The following SCP2 variants were observed in gnomAD, a reference collection of about 807,000 sequenced individuals.
SCP2 encodes sterol carrier protein 2.
In SCP2, 48 loss-of-function variants were observed where a neutral mutation model predicts 71.4. That is an observed-to-expected ratio of 0.67 (90% CI 0.53 to 0.86). The LOEUF (loss-of-function observed/expected upper bound fraction) is 0.86. Ranked by LOEUF, SCP2 falls within the 40% of genes least tolerant of loss-of-function variation. SCP2 has a pLI of 0.00. For missense variants in SCP2, 560 were observed against 655.6 expected, an observed-to-expected ratio of 0.85 and a Z score of 1.59; for synonymous variants, 220 against 218.1, an observed-to-expected ratio of 1.01 and a Z score of -0.08.
At chr1:53,004,285 A>G (rs911805169) in intron 11 of SCP2, among the ~76,000 whole-genome samples, 1 of 152,238 alleles carries the variant, frequency 6.6e-6, no homozygotes, top group Non-Finnish European at 1.5e-5. Context: ...ACTGAGGGTA[A>G]CTGAAACTGT....
intron 6 of SCP2, among the ~76,000 whole-genome samples, chr1:52,969,896 GTTCA>G (rs561834274): frequency 1.7e-4 from 26 of 152,168 alleles, no homozygotes; most frequent in South Asian, 1.2e-3. Context: ...TATTTTCACT[GTTCA>G]TTCATGTCAT....
At chr1:53,008,325 A>G (rs1160170982) in intron 11 of SCP2, among the ~76,000 whole-genome samples, 1 of 152,220 alleles carries the variant, frequency 6.6e-6, no homozygotes, top group Non-Finnish European at 1.5e-5. Context: ...AGACATAACA[A>G]AAAAAGAGAA....
chr1:53,051,143 A>G lies in SCP2; in HGVS notation c.*439A>G, dbSNP rs576567342. On this transcript the variant is annotated 3_prime_UTR_variant, in exon 16 of 16. Transcript: ENST00000371514. Reference sequence around the variant, plus strand: ...AGCTGGCCAGTAATTAGTGTTGTGCACTTCATGTCATTAATCAATTTCTCA... The same window carrying G: ...AGCTGGCCAGTAATTAGTGTTGTGCGCTTCATGTCATTAATCAATTTCTCA... The G allele has an allele frequency of 6.5e-6, 1 of 154,266 alleles. No individual in the cohort carries two copies. The highest frequency in any genetic ancestry group is 2.0e-4 in the South Asian group (1 of 4,976). The allele number at this position is 154,266 out of a possible 1,614,324, so 9.6% of individuals were successfully genotyped here.
At chr1:53,047,798 A>T (rs2150277972) in intron 14 of SCP2, 60 bp from the exon 15 acceptor site, 1 of 1,210,740 alleles carries the variant, frequency 8.3e-7, no homozygotes, top group Non-Finnish European at 1.2e-6. Context: ...CTTGACAAAA[A>T]TGTATATGTG....
rs1440056828 is a variant in SCP2, at chr1:52,950,768, T to G, written c.213T>G (p.Cys71Trp). 1 of 1,613,672 alleles carries G rather than the reference T, an allele frequency of 6.2e-7. No homozygotes were observed. The highest frequency in any genetic ancestry group is 1.7e-5 in the Admixed American group (1 of 60,012). The change falls in exon 4 of 16, where the codon TGT (cysteine) becomes TGG (tryptophan). Residue 71 changes from cysteine to tryptophan, a missense_variant. This residue lies in a region of SCP2 where 513 missense variants were observed against 573.1 expected (regional missense o/e 0.90). Transcript: ENST00000371514. ...TTTTCTATTCAGGTGACTCTACCTGTGGGCAGAGGGCTATCTATCACAGTT... is the reference window on the plus strand; with the variant it reads ...TTTTCTATTCAGGTGACTCTACCTGGGGGCAGAGGGCTATCTATCACAGTT... ...CVGYVFGDST[C>W]GQRAIYHSLG...
At chr1:52,994,038 G>A (rs533095275) in intron 11 of SCP2, 58 of 1,170,606 alleles carry the variant, frequency 5.0e-5, no homozygotes, top group Admixed American at 2.4e-4. Context: ...TCAAGGTACC[G>A]TATCTGTATG....
chr1:53,033,639 A>G (rs990089232), intron 13 of SCP2, among the ~76,000 whole-genome samples: 2 of 150,866 alleles, frequency 1.3e-5, no homozygotes, highest in East Asian at 1.9e-4. Flanking sequence ...TGACACACCC[A>G]GTAGGATGAC....
chr1:53,020,199 T>G (rs1366882806), intron 12 of SCP2, among the ~76,000 whole-genome samples: 2 of 152,152 alleles, frequency 1.3e-5, no homozygotes, highest in South Asian at 4.1e-4. Flanking sequence ...CAGAGACAGT[T>G]TTGATCAGTG....
At chr1:52,931,219 G>A (rs1239220065) in intron 1 of SCP2, among the ~76,000 whole-genome samples, 1 of 152,200 alleles carries the variant, frequency 6.6e-6, no homozygotes, top group Non-Finnish European at 1.5e-5. Context: ...AGTGGTCACT[G>A]ACTCAGAGCA....
At chr1:53,010,561 A>G (rs1660923029) in intron 11 of SCP2, among the ~76,000 whole-genome samples, 1 of 151,220 alleles carries the variant, frequency 6.6e-6, no homozygotes, top group African/African-American at 2.4e-5. Flanking sequence ...TCTCACTCAT[A>G]GGTGGGAATT....
At chr1:52,984,303 G>C (rs546222605) in intron 10 of SCP2, among the ~76,000 whole-genome samples, 9 of 152,176 alleles carry the variant, frequency 5.9e-5, no homozygotes, top group Non-Finnish European at 1.0e-4. Context: ...AGACAACCAG[G>C]ACCTCACCCT....
intron 11 of SCP2, chr1:52,995,461 C>T (rs183531319): frequency 4.1e-4 from 178 of 433,178 alleles, no homozygotes; most frequent in African/African-American, 3.4e-3. Context: ...CAATGCTGAC[C>T]TCCGCAAGTT....
At chr1:52,936,153 AT>A (rs1435979899) in intron 1 of SCP2, among the ~76,000 whole-genome samples, 6 of 152,382 alleles carry the variant, frequency 3.9e-5, no homozygotes, top group South Asian at 2.1e-4. Flanking sequence ...ATTTTGGAAA[AT>A]ACAATTATTT....
chr1:52,993,192 G>T (rs1287374978), intron 11 of SCP2: 1 of 1,613,766 alleles, frequency 6.2e-7, no homozygotes, highest in Non-Finnish European at 8.5e-7. Flanking sequence ...AAACTGAAGG[G>T]ATTCTAGAAA....
intron 2 of SCP2, among the ~76,000 whole-genome samples, 187 bp downstream of exon 2, chr1:52,942,040 C>G (rs1433060121): frequency 2.6e-5 from 4 of 152,152 alleles, no homozygotes; most frequent in Non-Finnish European, 4.4e-5. Context: ...GCTACATAGC[C>G]AGAGCAGAGA....
intron 10 of SCP2, among the ~76,000 whole-genome samples, chr1:52,987,018 T>A (rs1172335608): frequency 7.0e-6 from 1 of 143,644 alleles, no homozygotes; most frequent in Non-Finnish European, 1.5e-5. Context: ...TTTTTTTTTT[T>A]TTTTTTTGAG....
At chr1:52,971,481 G>A (rs568685215) in intron 6 of SCP2, among the ~76,000 whole-genome samples, 14 of 152,248 alleles carry the variant, frequency 9.2e-5, no homozygotes, top group East Asian at 1.9e-4. Flanking sequence ...CCCTCTGAAG[G>A]TTCACTGAAA....
At chr1:53,049,953 A>C (rs552057906) in intron 15 of SCP2, 1 of 152,418 alleles carries the variant, frequency 6.6e-6, no homozygotes, top group Non-Finnish European at 1.5e-5. Flanking sequence ...TGGCAGGGAA[A>C]TTATGCTACG....
At chr1:52,974,214 GT>G (rs910510101) in intron 6 of SCP2, among the ~76,000 whole-genome samples, 2 of 151,828 alleles carry the variant, frequency 1.3e-5, no homozygotes, top group Non-Finnish European at 2.9e-5. Flanking sequence ...TTTTTTGCGT[GT>G]TTTACCTCAT....
Sources: gnomAD v4.1 joint callset for allele counts (sites outside exome capture counted in the v4.1 genomes callset) on GRCh38, gnomAD v4.1.1 for gene constraint, gnomAD v4.1.1 regional missense constraint, MANE v1.5 for transcripts, NCBI Gene and HGNC (gene_info 2026-07-23, HGNC 2026-07-21) for gene names.